Variants in AK5 observed in about 807,000 individuals in gnomAD.
AK5 encodes the protein adenylate kinase isoenzyme 5.
A neutral mutation model predicts 69.5 loss-of-function variants in AK5; 27 were observed. The observed-to-expected ratio is 0.39, with a 90% CI of 0.29 to 0.54. The LOEUF is 0.54. Among genes scored for constraint, AK5 ranks in the 20% least tolerant of loss-of-function variants. AK5 has a pLI of 0.71. For missense variants in AK5, 531 were observed against 700.4 expected (o/e 0.76, Z 2.73); for synonymous variants, 260 against 244.4 (o/e 1.06, Z -0.60).
At chr1:77,409,827 C>T (rs1419776010) in intron 6 of AK5, among the ~76,000 whole-genome samples, 1 of 152,094 alleles carries the variant, frequency 6.6e-6, no homozygotes. Context: ...TTCCTGTGTC[C>T]AGGATGGTAT....
intron 13 of AK5, among the ~76,000 whole-genome samples, chr1:77,541,982 C>T (rs527326068): frequency 1.3e-5 from 2 of 152,102 alleles, no homozygotes; most frequent in East Asian, 1.9e-4. Flanking sequence ...GTGTGGGACA[C>T]GACACTTGGT....
chr1:77,382,465 C>T (rs1287280269), intron 6 of AK5, among the ~76,000 whole-genome samples: 1 of 152,192 alleles, frequency 6.6e-6, no homozygotes, highest in African/African-American at 2.4e-5. Context: ...ATCCTCCCAT[C>T]TCAGCTACCT....
chr1:77,515,540 A>G (rs1657586509), intron 10 of AK5, among the ~76,000 whole-genome samples: 2 of 152,188 alleles, frequency 1.3e-5, no homozygotes, highest in African/African-American at 4.8e-5. Context: ...ACGATGTGCA[A>G]AGTGCTGTGT....
rs1648863761 is a variant in AK5 at position 77,396,831 on chromosome 1, C to T, written c.892-14150C>T. Among the ~76,000 whole-genome samples the T allele has an allele frequency of 3.9e-5, 6 of 152,194 alleles. No homozygotes were observed. The South Asian group carries it at 1.2e-3, about 32-fold the overall frequency. ...AGTACTTAGCCCTTTAAATTCTTTC[C>T]TTGGGAAAGTGTTACGTTGTGATTG... On this transcript the variant is annotated intron_variant, in intron 6 of 13. Transcript: ENST00000354567.
intron 8 of AK5, among the ~76,000 whole-genome samples, chr1:77,443,497 C>A (rs1281125949): frequency 1.3e-5 from 2 of 152,136 alleles, no homozygotes; most frequent in Non-Finnish European, 2.9e-5. Flanking sequence ...GCACCTAGCA[C>A]AGTAGACCAT....
At chr1:77,412,564 C>T (rs1650114515) in intron 7 of AK5, among the ~76,000 whole-genome samples, 1 of 152,188 alleles carries the variant, frequency 6.6e-6, no homozygotes, top group African/African-American at 2.4e-5. Flanking sequence ...GCCTCCCCTG[C>T]AGGAGGCAGA....
chr1:77,554,070 G>A (rs757908869), intron 13 of AK5, among the ~76,000 whole-genome samples: 1 of 152,198 alleles, frequency 6.6e-6, no homozygotes, highest in African/African-American at 2.4e-5. Flanking sequence ...TATATTGTGT[G>A]ATTTCATTGA....
chr1:77,341,711 C>T (rs1484571914), intron 6 of AK5, among the ~76,000 whole-genome samples: 1 of 152,076 alleles, frequency 6.6e-6, no homozygotes, highest in Non-Finnish European at 1.5e-5. Flanking sequence ...AAATATTTAA[C>T]GTGATTTGCT....
At chr1:77,422,925 A>G (rs1020701487) in intron 8 of AK5, among the ~76,000 whole-genome samples, 4 of 152,098 alleles carry the variant, frequency 2.6e-5, no homozygotes, top group Non-Finnish European at 5.9e-5. Context: ...CCCACTTAGA[A>G]GTACTGTTGG....
At chr1:77,479,284 A>C (rs1655124602) in intron 8 of AK5, among the ~76,000 whole-genome samples, 1 of 141,332 alleles carries the variant, frequency 7.1e-6, no homozygotes, top group Non-Finnish European at 1.5e-5. Context: ...AGCTCACTGC[A>C]ACCTCCGCCT....
At chr1:77,408,471 G>C (rs184576812) in intron 6 of AK5, among the ~76,000 whole-genome samples, 1 of 152,030 alleles carries the variant, frequency 6.6e-6, no homozygotes, top group Admixed American at 6.6e-5. Context: ...TTTTAATAGG[G>C]TTATTTGTTT....
At chr1:77,453,941 T>C (rs1166466398) in intron 8 of AK5, among the ~76,000 whole-genome samples, 1 of 152,202 alleles carries the variant, frequency 6.6e-6, no homozygotes, top group Admixed American at 6.5e-5. Context: ...TTCTCAGTCA[T>C]TGTACGGGGA....
At chr1:77,396,089 A>G (rs1352576895) in intron 6 of AK5, among the ~76,000 whole-genome samples, 2 of 152,200 alleles carry the variant, frequency 1.3e-5, no homozygotes, top group Non-Finnish European at 2.9e-5. Flanking sequence ...ATGGCAGGTA[A>G]TCTCTTTTTC....
chr1:77,448,466 A>C (rs982083766), intron 8 of AK5, among the ~76,000 whole-genome samples: 4 of 152,182 alleles, frequency 2.6e-5, no homozygotes, highest in African/African-American at 9.6e-5. Flanking sequence ...TACCCACTCC[A>C]GTCTCCTCTC....
intron 7 of AK5, among the ~76,000 whole-genome samples, chr1:77,416,028 G>A (rs546957322): frequency 1.3e-5 from 2 of 152,032 alleles, no homozygotes; most frequent in Non-Finnish European, 2.9e-5. Context: ...ATCTTATAAT[G>A]GGAAAAATAC....
intron 10 of AK5, among the ~76,000 whole-genome samples, chr1:77,500,447 T>G (rs974422728): frequency 6.6e-6 from 1 of 151,742 alleles, no homozygotes; most frequent in African/African-American, 2.4e-5. Flanking sequence ...AAGAATGGAG[T>G]GTGTACTGGA....
chr1:77,493,586 A>G (rs1656127092), intron 10 of AK5, among the ~76,000 whole-genome samples: 1 of 152,106 alleles, frequency 6.6e-6, no homozygotes, highest in South Asian at 2.1e-4. Flanking sequence ...ATAAGTTGCC[A>G]TCTGACTCTC....
At chr1:77,478,334 G>A (rs1473042338) in intron 8 of AK5, among the ~76,000 whole-genome samples, 3 of 152,202 alleles carry the variant, frequency 2.0e-5, no homozygotes, top group Non-Finnish European at 4.4e-5. Flanking sequence ...GTTGTGGGAG[G>A]GATCTGGTGG....
rs1002238066 is a variant in AK5 at position 77,306,008 on chromosome 1, GTTTC to G, written c.699+8066_699+8069del. On this transcript the variant is annotated intron_variant, in intron 5 of 13. Transcript: ENST00000354567. ...TTTTTTTCATTTTTTGGTGTCTTCA[GTTTC>G]TTTCATCAGTGTTTTATAGTTTTCA... 7.9e-5 allele frequency among the ~76,000 whole-genome samples: 12 copies of G among 152,036 alleles called. No individual in the cohort carries two copies. The Middle Eastern group carries it at 0.014, about 172-fold the overall frequency.
Sources: gnomAD v4.1 joint callset for allele counts (sites outside exome capture counted in the v4.1 genomes callset) on GRCh38, gnomAD v4.1.1 for gene constraint, MANE v1.5 for transcripts, NCBI Gene and HGNC (gene_info 2026-07-23, HGNC 2026-07-21) for gene names.